PPP2R2B: variants seen among roughly 807,000 people sequenced by gnomAD.
PPP2R2B encodes protein phosphatase 2 regulatory subunit Bbeta.
Under a neutral mutation model 46.0 loss-of-function variants are expected in PPP2R2B, and 5 were observed. That is an observed-to-expected ratio of 0.11 (90% CI 0.06 to 0.23). The LOEUF is 0.23. PPP2R2B is among the 10% of genes least tolerant of loss of function. The probability of loss-of-function intolerance (pLI) is 1.00; values close to 1 mark genes in which losing one functional copy is unlikely to be tolerated. For synonymous variants in PPP2R2B, 215 were observed against 206.7 expected (o/e 1.04, Z -0.34); for missense variants, 367 against 575.0 (o/e 0.64, Z 3.70).
intron 1 of PPP2R2B, among the ~76,000 whole-genome samples, chr5:146,951,795 AT>A (rs1337767271): frequency 2.6e-5 from 4 of 152,020 alleles, no homozygotes; most frequent in Admixed American, 2.6e-4. Flanking sequence ...TGTGTTTGCT[AT>A]TGTGAATAGT....
intron 1 of PPP2R2B, among the ~76,000 whole-genome samples, chr5:146,981,505 AT>A (rs1046228002): frequency 6.6e-6 from 1 of 152,012 alleles, no homozygotes. Context: ...ATCTCTTGGA[AT>A]TTTTTTGTTT....
At position 146,771,693 on chromosome 5, in the gene PPP2R2B, A is replaced by G. The variant is rs1422363061; in HGVS notation, c.71-70551T>C. On this transcript the variant is annotated intron_variant, in intron 2 of 9. Transcript: ENST00000394411. ...AGAACATTTGCTAGCTTCTCTTGCTATGACAGACATGTGAGAAACTCTCCA... is the reference window on the plus strand; with the variant it reads ...AGAACATTTGCTAGCTTCTCTTGCTGTGACAGACATGTGAGAAACTCTCCA... Among the ~76,000 whole-genome samples the G allele has an allele frequency of 3.3e-5, 5 of 152,192 alleles. No homozygotes were observed. The South Asian group carries it at 8.3e-4, about 25-fold the overall frequency.
rs1379571829 is a variant in PPP2R2B at position 146,828,508 on chromosome 5, G to C, written c.70+49494C>G. Among the ~76,000 whole-genome samples, 63 of 152,156 alleles carry C rather than the reference G, an allele frequency of 4.1e-4. 1 individual carries two copies. The highest frequency in any genetic ancestry group is 4.1e-3 in the Admixed American group (63 of 15,254). On this transcript the variant is annotated intron_variant, in intron 2 of 9. Coordinates refer to ENST00000394411, the MANE Select transcript of PPP2R2B (RefSeq NM_181675.4). ...TGAGTTTTTATGGTCTTAGTGTTCA[G>C]AAGCTCAGATTCCATCTGTGACAGC...
chr5:147,024,000 G>A (rs891536862), intron 1 of PPP2R2B, among the ~76,000 whole-genome samples: 29 of 152,296 alleles, frequency 1.9e-4, no homozygotes, highest in African/African-American at 6.3e-4. Flanking sequence ...CCTGGGGCTC[G>A]GAGTTCCATC....
intron 1 of PPP2R2B, among the ~76,000 whole-genome samples, chr5:146,996,458 G>C (rs922644642): frequency 1.3e-5 from 2 of 152,254 alleles, no homozygotes; most frequent in South Asian, 2.1e-4. Flanking sequence ...GGTGGATTTA[G>C]GGAAATGGAA....
At chr5:146,619,411 C>A (rs531250991) in intron 7 of PPP2R2B, among the ~76,000 whole-genome samples, 1 of 151,862 alleles carries the variant, frequency 6.6e-6, no homozygotes, top group Non-Finnish European at 1.5e-5. Context: ...ACCTGGTAGG[C>A]GGAGATTGCA....
chr5:146,925,025 A>G (rs1031211623), intron 1 of PPP2R2B, among the ~76,000 whole-genome samples: 1 of 152,168 alleles, frequency 6.6e-6, no homozygotes, highest in African/African-American at 2.4e-5. Flanking sequence ...TCCAGAAAAT[A>G]CAAGAAGTTT....
chr5:146,654,787 T>C (rs1055766673), intron 5 of PPP2R2B, among the ~76,000 whole-genome samples: 7 of 152,216 alleles, frequency 4.6e-5, no homozygotes, highest in Admixed American at 1.3e-4. Context: ...CCGGGGTTGC[T>C]TGCACAGCCT....
At chr5:147,068,790 T>G (rs1757488245) in intron 2 of PPP2R2B, among the ~76,000 whole-genome samples, 1 of 152,210 alleles carries the variant, frequency 6.6e-6, no homozygotes, top group Non-Finnish European at 1.5e-5. Context: ...TATCAATATT[T>G]GGAAATCATT....
At chr5:146,922,673 TACC>T (rs976634945) in intron 1 of PPP2R2B, 1 of 152,234 alleles carries the variant, frequency 6.6e-6, no homozygotes, top group Non-Finnish European at 1.5e-5. Flanking sequence ...ACAGTACCTT[TACC>T]CATATAGCCC....
chr5:147,081,132 A>C, exon 2 of PPP2R2B: 5 of 1,535,662 alleles, frequency 3.3e-6, no homozygotes, highest in Non-Finnish European at 4.4e-6. Context: ...TGAGTGTCCC[A>C]ATTCCTGAAA....
chr5:146,767,531 C>CAT (rs1754561233), intron 2 of PPP2R2B, among the ~76,000 whole-genome samples: 2 of 152,112 alleles, frequency 1.3e-5, no homozygotes, highest in South Asian at 4.2e-4. Flanking sequence ...CTCCAATACA[C>CAT]ACATACATAC....
chr5:146,667,328 GCGCGCACACACA>G lies in PPP2R2B; in HGVS notation c.448-16616_448-16605del, dbSNP rs1375705993. On this transcript the variant is annotated intron_variant, in intron 5 of 9. Coordinates refer to ENST00000394411, the MANE Select transcript of PPP2R2B (RefSeq NM_181675.4). Reference sequence around the variant, plus strand: ...GGAGAGACAGCAGGAATAGGCGTGCGCGCGCACACACACACACACACACACACACACACACAC... The same window carrying G: ...GGAGAGACAGCAGGAATAGGCGTGCGCACACACACACACACACACACACAC... Among the ~76,000 whole-genome samples, 957 of 126,240 alleles carry G rather than the reference GCGCGCACACACA, an allele frequency of 7.6e-3. 7 individuals are homozygous for G. The highest frequency in any genetic ancestry group is 0.016 in the African/African-American group (478 of 29,304). The allele number at this position is 126,240 out of a possible 152,430, so 82.8% of individuals were successfully genotyped here. A position where few individuals can be genotyped will look rare whatever the true frequency, so the allele number is the denominator to read the frequency against.
In PPP2R2B at chr5:146,878,269, G is replaced by T; in HGVS notation, c.-124-74C>A. ...ATGGAGCTGTCACCTCCTCCACTCG[G>T]GTTCTGCGAGGCTGCGGCGGCTCCT... On this transcript the variant is annotated intron_variant, in intron 1 of 9. Transcript: ENST00000394411. This position sits in a 1 kb window ranked among gnomAD's most constrained non-coding sequence, Gnocchi z 4.5. 6.8e-7 allele frequency: 1 copy of T among 1,474,148 alleles called. No individual in the cohort carries two copies. Among genetic ancestry groups the T allele is most frequent in the Non-Finnish European group, 9.0e-7 (1 of 1,116,480 alleles). The allele number at this position is 1,474,148 out of a possible 1,614,324, so 91.3% of individuals were successfully genotyped here. A position where few individuals can be genotyped will look rare whatever the true frequency, so the allele number is the denominator to read the frequency against.
At position 146,639,497 on chromosome 5, in the gene PPP2R2B, G is replaced by A. The variant is rs1163374941; in HGVS notation, c.626-1082C>T. ...CTGGCATGAGTGAAGGAGTGGGTTT[G>A]TACAGATCTCTTCACACCTCCACCC... is the stretch of plus-strand genomic sequence containing the variant. On this transcript the variant is annotated intron_variant, in intron 6 of 9. Transcript: ENST00000394411. 2.0e-5 allele frequency among the ~76,000 whole-genome samples: 3 copies of A among 152,240 alleles called. No individual in the cohort carries two copies. In the East Asian group the frequency reaches 5.8e-4, roughly 29 times the overall value.
At position 146,970,214 on chromosome 5, in the gene PPP2R2B, G is replaced by A. The variant is rs757851855; in HGVS notation, c.79+85451C>T. Among the ~76,000 whole-genome samples the A allele has an allele frequency of 2.6e-5, 4 of 152,238 alleles. No homozygotes were observed. In the East Asian group the frequency reaches 7.7e-4, roughly 29 times the overall value. On this transcript the variant is annotated intron_variant, in intron 1 of 8. Coordinates refer to the PPP2R2B transcript ENST00000336640. Reference sequence around the variant, plus strand: ...TTTCCTCAAGGCTGCACAGTAAGTGGCAGTGCCCAGATTTGAAACCAGTGA... The same window carrying A: ...TTTCCTCAAGGCTGCACAGTAAGTGACAGTGCCCAGATTTGAAACCAGTGA...
intron 2 of PPP2R2B, among the ~76,000 whole-genome samples, chr5:146,851,659 T>A (rs1760356091): frequency 1.3e-5 from 2 of 148,688 alleles, no homozygotes; most frequent in Admixed American, 6.6e-5. Context: ...CTTTCTCAAA[T>A]TAAATAAGTG....
intron 2 of PPP2R2B, among the ~76,000 whole-genome samples, chr5:146,729,630 C>T (rs915445062): frequency 5.9e-5 from 9 of 152,286 alleles, no homozygotes; most frequent in African/African-American, 1.9e-4. Flanking sequence ...GGACTTGGTG[C>T]CCTGTATCCC....
At chr5:147,069,591 C>A (rs992684474) in intron 2 of PPP2R2B, among the ~76,000 whole-genome samples, 1 of 152,060 alleles carries the variant, frequency 6.6e-6, no homozygotes, top group Non-Finnish European at 1.5e-5. Flanking sequence ...TTGCTTCTGT[C>A]CAGGGCCTTC....
Sources: gnomAD v4.1 joint callset for allele counts (sites outside exome capture counted in the v4.1 genomes callset) on GRCh38, gnomAD v4.1.1 for gene constraint, Gnocchi (gnomAD v3.1) non-coding constraint, MANE v1.5 for transcripts, NCBI Gene and HGNC (gene_info 2026-07-23, HGNC 2026-07-21) for gene names.